The following RPGRIP1 variants were observed in gnomAD, a reference collection of about 807,000 sequenced individuals.
The protein encoded by RPGRIP1 is X-linked retinitis pigmentosa GTPase regulator-interacting protein 1.
A neutral mutation model predicts 157.9 loss-of-function variants in RPGRIP1; 128 were observed. That is an observed-to-expected ratio of 0.81 (90% confidence interval 0.70 to 0.94). RPGRIP1 has a LOEUF of 0.94. Among genes scored for constraint, RPGRIP1 ranks in the 40% least tolerant of loss-of-function variants. RPGRIP1 has a pLI of 0.00. For missense variants in RPGRIP1, 1,486 were observed against 1,545.8 expected (o/e 0.96, Z 0.65); for synonymous variants, 554 against 571.6 (o/e 0.97, Z 0.44).
intron 20 of RPGRIP1, 77 bp downstream of exon 20, chr14:21,330,464 C>T: frequency 9.5e-7 from 1 of 1,050,426 alleles, no homozygotes. Flanking sequence ...ATCAGGCTTT[C>T]AAGAGCAGCC....
At chr14:21,306,960 G>C (rs1326231076) in intron 6 of RPGRIP1, among the ~76,000 whole-genome samples, 12 of 150,976 alleles carry the variant, frequency 7.9e-5, no homozygotes, top group Admixed American at 5.3e-4. Context: ...ATTTTTAGTA[G>C]AGATGGGGTC....
In RPGRIP1 at chr14:21,309,105, C is replaced by CA. The variant is rs1881440613; in HGVS notation, c.906+1275dup. On this transcript the variant is annotated intron_variant, in intron 7 of 24. Coordinates refer to ENST00000400017, the MANE Select transcript of RPGRIP1 (RefSeq NM_020366.4). ...TAAGAGCCAGGGCTTTCCTGCTAGA[C>CA]AAAAAACGTTTCTGGAGCTGCTTTA... Among the ~76,000 whole-genome samples the CA allele has an allele frequency of 1.3e-5, 2 of 152,196 alleles. 1 individual carries two copies. The highest frequency in any genetic ancestry group is 3.9e-4 in the East Asian group (2 of 5,188).
chr14:21,312,916 C>G (rs545440168), intron 10 of RPGRIP1, among the ~76,000 whole-genome samples: 27 of 151,982 alleles, frequency 1.8e-4, no homozygotes, highest in African/African-American at 6.0e-4. Flanking sequence ...TACTGCAGCC[C>G]CAGTCTCCCA....
At chr14:21,300,663 T>G (rs1880982729) in intron 3 of RPGRIP1, among the ~76,000 whole-genome samples, 1 of 151,410 alleles carries the variant, frequency 6.6e-6, no homozygotes. Context: ...CTATATATAA[T>G]TTTTTTAAAT....
intron 12 of RPGRIP1, among the ~76,000 whole-genome samples, chr14:21,320,535 C>T (rs1882316208): frequency 6.6e-6 from 1 of 151,864 alleles, no homozygotes; most frequent in Non-Finnish European, 1.5e-5. Context: ...TCGTGATCCG[C>T]CCACCTCGGC....
Position 21,325,435 on chromosome 14 carries a change from T to C in RPGRIP1, c.2367+52T>C, listed in dbSNP as rs1246366861. On this transcript the variant is annotated intron_variant, in intron 16 of 24. Transcript: ENST00000400017. The stretch of plus-strand genomic sequence containing the variant: ...CTCAGAGGAGCCTCAGCCAAACAGC[T>C]CATGAGCACAGTTCAGTCTTCCACT... 4.3e-5 allele frequency: 65 copies of C among 1,517,312 alleles called. 3 individuals carry two copies. In the South Asian group the frequency reaches 6.8e-4, roughly 16 times the overall value. 94.0% of individuals were successfully genotyped at this position (1,517,312 alleles called of 1,614,324 possible).
At chr14:21,315,682 ACTATTTGC>A (rs1871694039) in intron 10 of RPGRIP1, among the ~76,000 whole-genome samples, 1 of 152,078 alleles carries the variant, frequency 6.6e-6, no homozygotes, top group African/African-American at 2.4e-5. Flanking sequence ...GATAGACATT[ACTATTTGC>A]CTCTCCCCTT....
At chr14:21,321,033 A>C (rs911308013) in intron 12 of RPGRIP1, among the ~76,000 whole-genome samples, 1 of 152,218 alleles carries the variant, frequency 6.6e-6, no homozygotes, top group Non-Finnish European at 1.5e-5. Context: ...AGATCTGTGG[A>C]AGAGCAAACA....
chr14:21,293,502 G>A (rs1243274376), intron 2 of RPGRIP1, among the ~76,000 whole-genome samples: 1 of 152,162 alleles, frequency 6.6e-6, no homozygotes, highest in Non-Finnish European at 1.5e-5. Context: ...CAGCACTTTG[G>A]GAGGCCGAGG....
chr14:21,322,240 C>G (rs932644296), intron 14 of RPGRIP1, among the ~76,000 whole-genome samples: 1 of 152,114 alleles, frequency 6.6e-6, no homozygotes, highest in South Asian at 2.1e-4. Flanking sequence ...TCACTGCAAC[C>G]TCTGCCTTCC....
At chr14:21,339,560 A>G (rs1472204828) in intron 21 of RPGRIP1, among the ~76,000 whole-genome samples, 1 of 152,126 alleles carries the variant, frequency 6.6e-6, no homozygotes, top group African/African-American at 2.4e-5. Flanking sequence ...GTATTTTTCA[A>G]TCAATAATGT....
intron 1 of RPGRIP1, among the ~76,000 whole-genome samples, chr14:21,280,620 T>C (rs930986255): frequency 1.3e-5 from 2 of 152,176 alleles, no homozygotes; most frequent in Admixed American, 6.6e-5. Context: ...TCTTTAATCC[T>C]GTCACCCTCT....
intron 6 of RPGRIP1, among the ~76,000 whole-genome samples, chr14:21,306,268 G>A (rs1881301050): frequency 6.6e-6 from 1 of 150,494 alleles, no homozygotes; most frequent in Admixed American, 6.7e-5. Flanking sequence ...GAGTAGCTGG[G>A]ATTACAGGCA....
chr14:21,320,109 C>A lies in RPGRIP1; in HGVS notation c.1399C>A (p.Gln467Lys). 6.2e-7 allele frequency: 1 copy of A among 1,613,868 alleles called. No homozygotes were observed. The highest frequency in any genetic ancestry group is 1.1e-5 in the South Asian group (1 of 91,056). The change falls in exon 12 of 25, where the codon CAA (glutamine) becomes AAA (lysine). Residue 467 changes from glutamine (Q) to lysine (K), a missense_variant. By Grantham distance (53) the Gln-to-Lys change is moderately conservative (BLOSUM62 1). Transcript: ENST00000400017. The stretch of plus-strand genomic sequence containing the variant: ...CCTCCAAAATGCAGCCACAATTTCC[C>A]AACCTCCTGACAGGCAATCTGAACC... ...ELLQNAATIS[Q>K]PPDRQSEPAT...
intron 10 of RPGRIP1, among the ~76,000 whole-genome samples, chr14:21,313,517 C>T (rs910472269): frequency 3.3e-5 from 5 of 152,080 alleles, no homozygotes; most frequent in South Asian, 2.1e-4. Flanking sequence ...TGGCCAGGCG[C>T]GGCGGCTCAT....
chr14:21,348,408 C>A, intron 24 of RPGRIP1, 106 bp downstream of exon 24: 1 of 872,976 alleles, frequency 1.1e-6, no homozygotes, highest in Non-Finnish European at 1.7e-6. Context: ...TGATAAGACA[C>A]AAAGTGGATT....
intron 23 of RPGRIP1, among the ~76,000 whole-genome samples, chr14:21,345,703 C>T (rs749820096): frequency 2.0e-5 from 3 of 152,044 alleles, no homozygotes; most frequent in Non-Finnish European, 4.4e-5. Context: ...CCGTGTCCAG[C>T]CCATAGTCTT....
At chr14:21,335,169 T>C (rs905013132) in intron 21 of RPGRIP1, among the ~76,000 whole-genome samples, 6 of 152,094 alleles carry the variant, frequency 3.9e-5, no homozygotes, top group African/African-American at 1.2e-4. Flanking sequence ...AAATTTATGT[T>C]TCGTGTGAAT....
intron 20 of RPGRIP1, among the ~76,000 whole-genome samples, chr14:21,330,683 A>T (rs1016263921): frequency 6.6e-5 from 10 of 152,194 alleles, no homozygotes; most frequent in African/African-American, 1.9e-4. Context: ...AAAAGAAAAA[A>T]ATATATATTT....
Sources: gnomAD v4.1 joint callset for allele counts (sites outside exome capture counted in the v4.1 genomes callset) on GRCh38, gnomAD v4.1.1 for gene constraint, MANE v1.5 for transcripts, NCBI Gene and HGNC (gene_info 2026-07-23, HGNC 2026-07-21) for gene names.